XPO1: variants seen among roughly 807,000 people sequenced by gnomAD.
The protein encoded by XPO1 is exportin-1.
XPO1 carries 5 observed loss-of-function variants against 133.3 expected under a neutral mutation model. The ratio of observed to expected loss-of-function variants is 0.04; its 90% CI spans 0.02 to 0.08. The LOEUF (loss-of-function observed/expected upper bound fraction) is 0.08. Among genes scored for constraint, XPO1 ranks in the 10% least tolerant of loss-of-function variants. The probability of loss-of-function intolerance (pLI) is 1.00; values close to 1 mark genes in which losing one functional copy is unlikely to be tolerated. For synonymous variants in XPO1, 419 were observed against 408.2 expected, an observed-to-expected ratio of 1.03 and a Z score of -0.32; for missense variants, 506 against 1,267.5, an observed-to-expected ratio of 0.40 and a Z score of 9.12.
At chr2:61,486,745 A>G (rs915537215) in intron 19 of XPO1, among the ~76,000 whole-genome samples, 3 of 152,168 alleles carry the variant, frequency 2.0e-5, no homozygotes, top group African/African-American at 4.8e-5. Flanking sequence ...CTAACTGGTG[A>G]GTATTTTCAC....
intron 1 of XPO1, chr2:61,536,138 A>C: frequency 6.6e-6 from 1 of 152,266 alleles, no homozygotes; most frequent in East Asian, 1.9e-4. Flanking sequence ...GATTTAGAAT[A>C]GAAGGATTTA....
At chr2:61,533,944 T>C in intron 1 of XPO1, 41 bp from the exon 2 acceptor site, 1 of 1,430,910 alleles carries the variant, frequency 7.0e-7, no homozygotes, top group African/African-American at 1.4e-5. Flanking sequence ...CTATCAAGTT[T>C]TGGTATTATC....
intron 4 of XPO1, among the ~76,000 whole-genome samples, chr2:61,516,323 C>CA (rs113228751): frequency 0.061 from 8,636 of 141,498 alleles, 315 homozygotes; most frequent in African/African-American, 0.11. Context: ...CCAAACCAAA[C>CA]AAAAAAAAAA....
chr2:61,518,422 ACACACACAC>A (rs1305916044), intron 4 of XPO1, among the ~76,000 whole-genome samples: 25 of 19,328 alleles, frequency 1.3e-3, no homozygotes, highest in Admixed American at 4.2e-3. Flanking sequence ...AACAAAACAC[ACACACACAC>A]ACACACACAC....
chr2:61,538,291 T>C lies in XPO1; in HGVS notation c.-736A>G. ...CAAACTCGGAACCGGTTGAAACCGG[T>C]TCAGACTGGGAGATTCCATCTCGGT... On this transcript the variant is annotated 5_prime_UTR_variant, in exon 1 of 25. Transcript: ENST00000401558. 1 of 158,290 alleles carries C rather than the reference T, an allele frequency of 6.3e-6. No homozygotes were observed. The highest frequency in any genetic ancestry group is 6.5e-5 in the Admixed American group (1 of 15,448). The allele number at this position is 158,290 out of a possible 1,614,324, so 9.8% of individuals were successfully genotyped here.
intron 4 of XPO1, among the ~76,000 whole-genome samples, chr2:61,514,908 C>T (rs1573189029): frequency 6.6e-6 from 1 of 151,728 alleles, no homozygotes; most frequent in Non-Finnish European, 1.5e-5. Context: ...AACTCTATTA[C>T]AAAAACAAAA....
At chr2:61,485,474 C>CCA (rs71405126) in intron 20 of XPO1, 7 of 50,362 alleles carry the variant, frequency 1.4e-4, no homozygotes, top group South Asian at 8.7e-4. Context: ...GCTCAAGTGA[C>CCA]CCCCCCCCCC....
At chr2:61,504,975 A>C (rs1234465138) in intron 4 of XPO1, among the ~76,000 whole-genome samples, 2 of 152,256 alleles carry the variant, frequency 1.3e-5, no homozygotes, top group Non-Finnish European at 2.9e-5. Context: ...TTTATGCTAC[A>C]AATACATAAA....
chr2:61,518,417 AACACACACACAC>A (rs200566050), intron 4 of XPO1, among the ~76,000 whole-genome samples: 9,102 of 124,454 alleles, frequency 0.073, 387 homozygotes, highest in Middle Eastern at 0.11. Flanking sequence ...CAAAAAACAA[AACACACACACAC>A]ACACACACAC....
chr2:61,478,712 G>C lies in XPO1; in HGVS notation c.*108C>G. On this transcript the variant is annotated 3_prime_UTR_variant, in exon 25 of 25. Transcript: ENST00000401558. ...AAACACATAAGAAAAAGGGCCACTA[G>C]GTGACATTTTAATTTACAAATTGGC... is the stretch of plus-strand genomic sequence containing the variant. 1.7e-6 allele frequency: 2 copies of C among 1,165,874 alleles called. No homozygotes were observed. Among genetic ancestry groups the C allele is most frequent in the Non-Finnish European group, 2.4e-6 (2 of 849,796 alleles). The allele number at this position is 1,165,874 out of a possible 1,614,324, so 72.2% of individuals were successfully genotyped here. A position where few individuals can be genotyped will look rare whatever the true frequency, so the allele number is the denominator to read the frequency against.
rs1421491088 is a variant in XPO1, at chr2:61,495,597, G to A, written c.905C>T (p.Thr302Ile). Residue 302 changes from threonine to isoleucine, a missense_variant, in exon 11 of 25, where the codon ACC becomes ATC. Physicochemically the swap from Thr to Ile is moderately conservative, Grantham distance 89 (BLOSUM62 -1). This residue lies in a region of XPO1 where 134 missense variants were observed against 261.6 expected (regional missense o/e 0.51). Coordinates refer to ENST00000401558, the MANE Select transcript of XPO1 (RefSeq NM_003400.4). ...ATTTGAGTACGCAAGTCGAATATTG[G>A]TATTTAAAGGAAGCATCTGCAAATT... Reference protein sequence around the residue: ...MQLKQMLPLNTNIRLAYSNGK... With the variant: ...MQLKQMLPLNINIRLAYSNGK... 2 of 1,565,680 alleles carry A rather than the reference G, an allele frequency of 1.3e-6. No homozygotes were observed. Among genetic ancestry groups the A allele is most frequent in the Non-Finnish European group, 8.7e-7 (1 of 1,153,530 alleles).
At position 61,520,488 on chromosome 2, in the gene XPO1, A is replaced by T. The variant is rs562442278; in HGVS notation, c.301+2123T>A. ...CGAGACACCATCCCTACAAAACATT[A>T]AAAAAAAAAAAAATTTAGTAGGGCA... On this transcript the variant is annotated intron_variant, in intron 4 of 24. Transcript: ENST00000401558. 1.3e-3 allele frequency among the ~76,000 whole-genome samples: 188 copies of T among 143,932 alleles called. 2 individuals are homozygous for T. Among genetic ancestry groups the T allele is most frequent in the African/African-American group, 4.3e-3 (172 of 39,606 alleles). The allele number at this position is 143,932 out of a possible 152,430, so 94.4% of individuals were successfully genotyped here. A position where few individuals can be genotyped will look rare whatever the true frequency, so the allele number is the denominator to read the frequency against.
At chr2:61,484,985 T>A (rs922236980) in intron 20 of XPO1, 3 of 152,216 alleles carry the variant, frequency 2.0e-5, no homozygotes, top group Non-Finnish European at 4.4e-5. Flanking sequence ...CCTCAGGTGA[T>A]CCACCGGCCT....
intron 4 of XPO1, among the ~76,000 whole-genome samples, chr2:61,510,756 G>C (rs536886201): frequency 2.0e-5 from 3 of 152,100 alleles, no homozygotes; most frequent in African/African-American, 4.8e-5. Flanking sequence ...AGGCAACATA[G>C]CGAGACCCCA....
chr2:61,526,619 G>C (rs978009198), intron 2 of XPO1, 98 bp from the exon 3 acceptor site: 4 of 824,990 alleles, frequency 4.8e-6, no homozygotes, highest in Middle Eastern at 3.6e-4. Flanking sequence ...ATTCTAATTG[G>C]ACAGAGATTC....
At chr2:61,510,989 A>G (rs1698068647) in intron 4 of XPO1, among the ~76,000 whole-genome samples, 1 of 151,792 alleles carries the variant, frequency 6.6e-6, no homozygotes, top group South Asian at 2.1e-4. Flanking sequence ...GGGATCAAAC[A>G]CTGTTAGGTA....
At position 61,495,446 on chromosome 2, in the gene XPO1, A is replaced by G. The variant is rs369970189; in HGVS notation, c.1047+9T>C. 5 of 1,521,790 alleles carry G rather than the reference A, an allele frequency of 3.3e-6. No homozygotes were observed. Among genetic ancestry groups the G allele is most frequent in the Non-Finnish European group, 8.9e-7 (1 of 1,129,324 alleles). The allele number at this position is 1,521,790 out of a possible 1,614,324, so 94.3% of individuals were successfully genotyped here. A position where few individuals can be genotyped will look rare whatever the true frequency, so the allele number is the denominator to read the frequency against. ...AGAATTTTAGGAGCAAAAGCTCCACATATCTTACCTCCATAAGAGTTTCCC... is the reference window on the plus strand; with the variant it reads ...AGAATTTTAGGAGCAAAAGCTCCACGTATCTTACCTCCATAAGAGTTTCCC... On this transcript the variant is annotated intron_variant, in intron 11 of 24. Coordinates refer to ENST00000401558, the MANE Select transcript of XPO1 (RefSeq NM_003400.4).
intron 18 of XPO1, 61 bp from the exon 19 acceptor site, chr2:61,488,332 G>A (rs1272662329): frequency 3.5e-6 from 5 of 1,445,556 alleles, no homozygotes; most frequent in African/African-American, 1.4e-5. Context: ...TGGTACTCAG[G>A]TGTACATTAG....
intron 4 of XPO1, among the ~76,000 whole-genome samples, chr2:61,516,393 C>T (rs181431197): frequency 9.2e-5 from 14 of 151,574 alleles, no homozygotes. Flanking sequence ...AAATTCGCTT[C>T]TTCTCTATTC....
Sources: gnomAD v4.1 joint callset for allele counts (sites outside exome capture counted in the v4.1 genomes callset) on GRCh38, gnomAD v4.1.1 for gene constraint, gnomAD v4.1.1 regional missense constraint, MANE v1.5 for transcripts, NCBI Gene and HGNC (gene_info 2026-07-23, HGNC 2026-07-21) for gene names.